Variants in ZNF438 observed in about 807,000 individuals in gnomAD.
ZNF438 encodes zinc finger protein 438.
Under a neutral mutation model 38.0 loss-of-function variants are expected in ZNF438, and 25 were observed. That is an observed-to-expected ratio of 0.66 (90% confidence interval 0.48 to 0.92). The LOEUF (loss-of-function observed/expected upper bound fraction) is 0.92, where lower values mean the gene tolerates loss of function less well. ZNF438 is among the 40% of genes least tolerant of loss of function. The pLI, the probability that ZNF438 is intolerant of heterozygous loss-of-function variation, is 0.00. For missense variants in ZNF438, 1,007 were observed against 999.6 expected (o/e 1.01, Z -0.10); for synonymous variants, 372 against 364.1 (o/e 1.02, Z -0.25).
At chr10:30,858,682 C>T (rs1054231870) in intron 4 of ZNF438, among the ~76,000 whole-genome samples, 1 of 152,212 alleles carries the variant, frequency 6.6e-6, no homozygotes, top group Non-Finnish European at 1.5e-5. Context: ...ACCTAAGTTT[C>T]AGGAAATTTG....
intron 4 of ZNF438, among the ~76,000 whole-genome samples, chr10:30,863,692 C>T (rs1298676454): frequency 6.6e-6 from 1 of 152,336 alleles, no homozygotes; most frequent in East Asian, 1.9e-4. Flanking sequence ...TGCCCCGAGG[C>T]TATGTGTGCC....
intron 4 of ZNF438, among the ~76,000 whole-genome samples, chr10:30,870,298 GA>G (rs113034358): frequency 5.3e-5 from 8 of 151,450 alleles, no homozygotes; most frequent in South Asian, 4.2e-4. Context: ...CATGTGTGGA[GA>G]AAAAAAAAGT....
At chr10:30,849,841 G>A in exon 5 of ZNF438, 1 of 1,614,164 alleles carries the variant, frequency 6.2e-7, no homozygotes, top group South Asian at 1.1e-5. Context: ...CTGTGCTAAT[G>A]CTGGCTGGGG....
chr10:30,854,391 T>C (rs756424720), intron 4 of ZNF438, among the ~76,000 whole-genome samples: 2 of 152,330 alleles, frequency 1.3e-5, no homozygotes, highest in Middle Eastern at 6.8e-3. Flanking sequence ...AGGGAGTTGG[T>C]CTGTGTCTTC....
Position 30,858,960 on chromosome 10 carries a change from C to G in ZNF438, c.38-8593G>C, listed in dbSNP as rs76362954. 6.2e-3 allele frequency among the ~76,000 whole-genome samples: 944 copies of G among 152,250 alleles called. 20 individuals carry two copies. The highest frequency in any genetic ancestry group is 0.021 in the African/African-American group (884 of 41,546). On this transcript the variant is annotated intron_variant, in intron 4 of 5. Transcript: ENST00000413025. ...TTTCTGAGGAGCTGAGCTTCTTTAT[C>G]AATACTGTTTCTTTAATATTATCCC...
intron 4 of ZNF438, among the ~76,000 whole-genome samples, chr10:30,860,410 T>C (rs191586651): frequency 3.3e-5 from 5 of 152,332 alleles, no homozygotes; most frequent in Admixed American, 1.3e-4. Flanking sequence ...TCTCGTGTCA[T>C]GTAACACAGC....
At chr10:30,847,121 T>C (rs376041977) in intron 5 of ZNF438, among the ~76,000 whole-genome samples, 13 of 152,316 alleles carry the variant, frequency 8.5e-5, no homozygotes, top group South Asian at 2.1e-4. Context: ...AAGAAGCTCC[T>C]GGGCAGAAAA....
At chr10:31,020,313 G>C (rs2056497447) in intron 1 of ZNF438, among the ~76,000 whole-genome samples, 1 of 152,138 alleles carries the variant, frequency 6.6e-6, no homozygotes, top group African/African-American at 2.4e-5. Context: ...AAGTTGCCTA[G>C]CTGAGTGCTC....
At chr10:30,931,073 C>A (rs1221143743) in intron 2 of ZNF438, among the ~76,000 whole-genome samples, 1 of 152,144 alleles carries the variant, frequency 6.6e-6, no homozygotes, top group African/African-American at 2.4e-5. Flanking sequence ...CCAGTTTACC[C>A]CATTCCCAGG....
intron 4 of ZNF438, among the ~76,000 whole-genome samples, chr10:30,863,669 C>T (rs539411327): frequency 3.3e-5 from 5 of 152,314 alleles, no homozygotes; most frequent in African/African-American, 1.2e-4. Flanking sequence ...TGACACAGCC[C>T]ACTGCTTCTC....
At chr10:31,022,983 G>C (rs2056707321) in intron 1 of ZNF438, among the ~76,000 whole-genome samples, 1 of 152,128 alleles carries the variant, frequency 6.6e-6, no homozygotes, top group Admixed American at 6.5e-5. Flanking sequence ...GATTAATAAA[G>C]ACGTGTCTGA....
intron 1 of ZNF438, among the ~76,000 whole-genome samples, chr10:31,010,511 T>C (rs1389120007): frequency 6.6e-6 from 1 of 152,206 alleles, no homozygotes; most frequent in Non-Finnish European, 1.5e-5. Context: ...TTAAAAATTG[T>C]ACACAAATGT....
At chr10:30,898,083 T>C (rs867237129) in intron 3 of ZNF438, among the ~76,000 whole-genome samples, 2 of 152,136 alleles carry the variant, frequency 1.3e-5, no homozygotes, top group African/African-American at 4.8e-5. Context: ...GTTTGGGGGG[T>C]TAACTTTAGT....
chr10:30,944,400 C>A (rs990712453), intron 1 of ZNF438, among the ~76,000 whole-genome samples: 3 of 152,088 alleles, frequency 2.0e-5, no homozygotes, highest in Admixed American at 2.0e-4. Flanking sequence ...TTAAAGAGTT[C>A]AGAGGTAAGA....
chr10:30,851,591 A>G (rs1332061750), intron 4 of ZNF438, among the ~76,000 whole-genome samples: 1 of 152,266 alleles, frequency 6.6e-6, no homozygotes. Context: ...TAAATGTTAC[A>G]TAACTCCCAG....
intron 4 of ZNF438, among the ~76,000 whole-genome samples, chr10:30,868,494 T>G (rs761215026): frequency 6.6e-6 from 1 of 152,214 alleles, no homozygotes; most frequent in African/African-American, 2.4e-5. Context: ...ATAAATGTTT[T>G]TAGGATTTTG....
At position 30,865,450 on chromosome 10, in the gene ZNF438, T is replaced by C. The variant is rs879536797; in HGVS notation, c.37+11548A>G. Among the ~76,000 whole-genome samples the C allele has an allele frequency of 1.0e-3, 65 of 62,166 alleles. 1 individual carries two copies. Among genetic ancestry groups the C allele is most frequent in the Admixed American group, 6.2e-3 (44 of 7,126 alleles). 40.8% of individuals were successfully genotyped at this position (62,166 alleles called of 152,430 possible). On this transcript the variant is annotated intron_variant, in intron 4 of 5. Coordinates refer to ENST00000413025, the Ensembl canonical transcript of ZNF438. ...AAAGTAATTCTTCAATGAGTAAAAA[T>C]GAAGAAAAAAAATGACAAAGGTCTT...
intron 1 of ZNF438, among the ~76,000 whole-genome samples, chr10:30,999,916 T>C (rs1349472133): frequency 1.3e-5 from 2 of 152,232 alleles, no homozygotes; most frequent in African/African-American, 4.8e-5. Flanking sequence ...TAAATGGACA[T>C]TAAAATTTTA....
chr10:30,913,683 A>T (rs2043298176), intron 2 of ZNF438, among the ~76,000 whole-genome samples: 1 of 152,150 alleles, frequency 6.6e-6, no homozygotes, highest in Non-Finnish European at 1.5e-5. Context: ...AAGCACAGGC[A>T]CAAGGGGAAG....
Sources: allele counts gnomAD v4.1 joint callset (sites outside exome capture counted in the v4.1 genomes callset), GRCh38; gene constraint gnomAD v4.1.1; transcripts MANE v1.5; gene names NCBI Gene and HGNC (gene_info 2026-07-23, HGNC 2026-07-21).